The following SNRNP200 variants were observed in gnomAD, a reference collection of about 807,000 sequenced individuals.
SNRNP200 encodes U5 small nuclear ribonucleoprotein 200 kDa helicase.
Under a neutral mutation model 255.2 loss-of-function variants are expected in SNRNP200, and 66 were observed. The ratio of observed to expected loss-of-function variants is 0.26; its 90% CI spans 0.21 to 0.32. SNRNP200 has a LOEUF of 0.32. Ranked by LOEUF, SNRNP200 falls within the 10% of genes least tolerant of loss-of-function variation. The probability of loss-of-function intolerance (pLI) is 1.00; values close to 1 mark genes in which losing one functional copy is unlikely to be tolerated. For synonymous variants in SNRNP200, 939 were observed against 1,027.8 expected, an observed-to-expected ratio of 0.91 and a Z score of 1.65; for missense variants, 1,585 against 2,749.8, an observed-to-expected ratio of 0.58 and a Z score of 9.47.
intron 35 of SNRNP200, among the ~76,000 whole-genome samples, chr2:96,281,000 G>A (rs1684750788): frequency 6.6e-6 from 1 of 151,674 alleles, no homozygotes; most frequent in South Asian, 2.1e-4. Flanking sequence ...TTACAGGTGA[G>A]TGGCTTGAAT....
chr2:96,280,209 G>C (rs891307156), intron 35 of SNRNP200, among the ~76,000 whole-genome samples: 1 of 152,152 alleles, frequency 6.6e-6, no homozygotes, highest in African/African-American at 2.4e-5. Context: ...AAGTTATTAA[G>C]CGTTGGGCCA....
At chr2:96,304,156 A>ATT (rs2063972445) in intron 2 of SNRNP200, among the ~76,000 whole-genome samples, 1 of 152,126 alleles carries the variant, frequency 6.6e-6, no homozygotes, top group Non-Finnish European at 1.5e-5. Flanking sequence ...AAACTTCATC[A>ATT]TAGGAAAGGG....
chr2:96,294,936 C>T (rs2063907331), intron 14 of SNRNP200, among the ~76,000 whole-genome samples: 1 of 152,088 alleles, frequency 6.6e-6, no homozygotes, highest in Non-Finnish European at 1.5e-5. Flanking sequence ...GCAGGCTAGG[C>T]GCAGTGGCTC....
At chr2:96,282,245 C>G in intron 34 of SNRNP200, 1 of 337,508 alleles carries the variant, frequency 3.0e-6, no homozygotes, top group Non-Finnish European at 5.8e-6. Flanking sequence ...CAGCCACGGG[C>G]TGGCTCAGCC....
At chr2:96,299,105 A>C in intron 6 of SNRNP200, 138 bp from the exon 7 acceptor site, 1 of 1,153,852 alleles carries the variant, frequency 8.7e-7, no homozygotes, top group Non-Finnish European at 1.3e-6. Context: ...AAAACTCTGG[A>C]ATATTGAGTT....
intron 16 of SNRNP200, 106 bp from the exon 17 acceptor site, chr2:96,292,006 G>C (rs117989096): frequency 1.2e-5 from 15 of 1,282,162 alleles, no homozygotes; most frequent in African/African-American, 1.5e-5. Flanking sequence ...CCAAGGTCCT[G>C]GAGAGGGGCA....
intron 11 of SNRNP200, 132 bp downstream of exon 11, chr2:96,297,231 A>C: frequency 6.7e-7 from 1 of 1,495,368 alleles, no homozygotes; most frequent in Non-Finnish European, 9.2e-7. Context: ...CAAAATCAGA[A>C]TGGGAAAATT....
rs144423660 is a variant in SNRNP200 at position 96,301,050 on chromosome 2, T to C, written c.578A>G (p.Asp193Gly). The C allele has an allele frequency of 2.2e-4, 349 of 1,613,880 alleles. No homozygotes were observed. Among genetic ancestry groups the C allele is most frequent in the Non-Finnish European group, 2.8e-4 (333 of 1,179,790 alleles). ...GGDKEIQNMD[D>G]NIDETYGVNV... ...CACACCGTATGTCTCATCAATGTTG[T>C]CATCTGAAACAATGAAGGATTAGAA... Residue 193 changes from aspartate (D) to glycine (G), a missense_variant, in exon 5 of 45, where the codon GAC becomes GGC. This residue lies in a region of SNRNP200 where 383 missense variants were observed against 645.3 expected (regional missense o/e 0.59). Transcript: ENST00000323853.
chr2:96,302,043 C>T (rs1199786204), intron 3 of SNRNP200, among the ~76,000 whole-genome samples: 1 of 152,204 alleles, frequency 6.6e-6, no homozygotes, highest in Non-Finnish European at 1.5e-5. Flanking sequence ...CCCACCTCAA[C>T]AGAGCTCCTC....
intron 16 of SNRNP200, among the ~76,000 whole-genome samples, chr2:96,292,154 T>C (rs891808772): frequency 6.6e-6 from 1 of 152,210 alleles, no homozygotes; most frequent in African/African-American, 2.4e-5. Flanking sequence ...ACAGCAACTT[T>C]AAATAGACTA....
intron 8 of SNRNP200, 65 bp from the exon 9 acceptor site, chr2:96,298,485 G>C (rs2063933185): frequency 2.5e-6 from 4 of 1,611,026 alleles, no homozygotes; most frequent in Admixed American, 1.7e-5. Context: ...CCATCCTCAG[G>C]GTAGAAAGAA....
Position 96,278,442 on chromosome 2 carries a change from A to G in SNRNP200, c.5489-84T>C. 2 of 1,611,354 alleles carry G rather than the reference A, an allele frequency of 1.2e-6. No homozygotes were observed. The highest frequency in any genetic ancestry group is 1.7e-6 in the Non-Finnish European group (2 of 1,179,188). ...CCCGGGCTCCCCTGCTGTCCCCTGCAGTGTCATCCCGCTGACAAACACGGG... is the reference window on the plus strand; with the variant it reads ...CCCGGGCTCCCCTGCTGTCCCCTGCGGTGTCATCCCGCTGACAAACACGGG... On this transcript the variant is annotated intron_variant, in intron 38 of 44. Coordinates refer to ENST00000323853, the MANE Select transcript of SNRNP200 (RefSeq NM_014014.5). This position sits in a 1 kb window ranked among gnomAD's most constrained non-coding sequence, Gnocchi z 6.9.
In SNRNP200 at chr2:96,281,872, C is replaced by T. The variant is rs142585893; in HGVS notation, c.4966G>A (p.Val1656Met). The change falls in exon 35 of 45, where the codon GTG becomes ATG. Residue 1656 changes from valine (V) to methionine (M), a missense_variant. Val to Met is a conservative substitution (Grantham distance 21, BLOSUM62 1). Transcript: ENST00000323853. ...ATGATGATTACCAGGTGGGCAGCCACGTTCATGCCCCAGCAGAGACTCCGA... is the reference window on the plus strand; with the variant it reads ...ATGATGATTACCAGGTGGGCAGCCATGTTCATGCCCCAGCAGAGACTCCGA... ...ASRSLCWGMNVAAHLVIIMDT... is the reference protein window; with the variant it reads ...ASRSLCWGMNMAAHLVIIMDT... The T allele has an allele frequency of 6.7e-5, 108 of 1,614,036 alleles. No homozygotes were observed. The highest frequency in any genetic ancestry group is 2.2e-4 in the South Asian group (20 of 91,090).
chr2:96,277,362 CAGAA>C lies in SNRNP200; in HGVS notation c.5932-125_5932-122del, dbSNP rs1487318384. The C allele has an allele frequency of 8.5e-6, 11 of 1,301,042 alleles. No homozygotes were observed. The highest frequency in any genetic ancestry group is 1.2e-5 in the Non-Finnish European group (11 of 904,534). 80.6% of individuals were successfully genotyped at this position (1,301,042 alleles called of 1,614,324 possible). A position where few individuals can be genotyped will look rare whatever the true frequency, so the allele number is the denominator to read the frequency against. Reference sequence around the variant, plus strand: ...TCAAGTCATCTAGATAAAACAGCTGCAGAAAGAACACAGCCCACAGTTGGCAGGC... The same window carrying C: ...TCAAGTCATCTAGATAAAACAGCTGCAGAACACAGCCCACAGTTGGCAGGC... On this transcript the variant is annotated intron_variant, in intron 41 of 44. Transcript: ENST00000323853. The surrounding 1 kb of genome is among the most constrained non-coding windows in gnomAD (Gnocchi z 4.4).
Position 96,284,964 on chromosome 2 carries a change from G to A in SNRNP200, c.4164+216C>T, listed in dbSNP as rs538608552. ...AGGGTTTCACCATGTTGGCCAGGCT[G>A]GTCTCGAACTCCTGATCTCCGGAGA... On this transcript the variant is annotated intron_variant, in intron 30 of 44. Transcript: ENST00000323853. The A allele has an allele frequency of 2.8e-3, 1,816 of 641,044 alleles. 35 individuals carry two copies. The highest frequency in any genetic ancestry group is 0.028 in the South Asian group (1,746 of 62,588). 39.7% of individuals were successfully genotyped at this position (641,044 alleles called of 1,614,324 possible).
intron 2 of SNRNP200, among the ~76,000 whole-genome samples, chr2:96,303,938 T>C (rs1045093004): frequency 2.6e-5 from 4 of 151,024 alleles, no homozygotes; most frequent in African/African-American, 9.7e-5. Context: ...TATGAGACTA[T>C]TATATAATAG....
Position 96,290,028 on chromosome 2 carries a change from G to C in SNRNP200, c.2743-32C>G. 6.2e-7 allele frequency: 1 copy of C among 1,604,678 alleles called. No individual in the cohort carries two copies. Among genetic ancestry groups the C allele is most frequent in the Non-Finnish European group, 8.5e-7 (1 of 1,171,468 alleles). On this transcript the variant is annotated intron_variant, in intron 20 of 44. Transcript: ENST00000323853. The surrounding 1 kb of genome is among the most constrained non-coding windows in gnomAD (Gnocchi z 4.5). Reference sequence around the variant, plus strand: ...GACACAGCTCATGGTTCTTAGCATGGAGAAACTCTTGATGTCCAAATGACA... The same window carrying C: ...GACACAGCTCATGGTTCTTAGCATGCAGAAACTCTTGATGTCCAAATGACA...
At position 96,305,361 on chromosome 2, in the gene SNRNP200, A is replaced by G. The variant is rs565587135; in HGVS notation, c.45+32T>C. 393 of 1,613,604 alleles carry G rather than the reference A, an allele frequency of 2.4e-4. 5 individuals carry two copies. In the South Asian group the frequency reaches 4.1e-3, roughly 17 times the overall value. ...CCTCCCCCTCCCCATTGGACTCCTG[A>G]GCCTGGAATCCTTCCCCAAGACCAA... On this transcript the variant is annotated intron_variant, in intron 1 of 44. Coordinates refer to ENST00000323853, the MANE Select transcript of SNRNP200 (RefSeq NM_014014.5).
At position 96,288,615 on chromosome 2, in the gene SNRNP200, G is replaced by A. The variant is rs551770570; in HGVS notation, c.3258+48C>T. 5 of 1,507,508 alleles carry A rather than the reference G, an allele frequency of 3.3e-6. No homozygotes were observed. In the South Asian group the frequency reaches 5.6e-5, roughly 17 times the overall value. The allele number at this position is 1,507,508 out of a possible 1,614,324, so 93.4% of individuals were successfully genotyped here. A position where few individuals can be genotyped will look rare whatever the true frequency, so the allele number is the denominator to read the frequency against. On this transcript the variant is annotated intron_variant, in intron 24 of 44. Transcript: ENST00000323853. ...AGGATGCACACAGCACACAGGGATT[G>A]AACTGTTCAGGCCCCTTCTCACAGC...
Sources: allele counts gnomAD v4.1 joint callset (sites outside exome capture counted in the v4.1 genomes callset), GRCh38; gene constraint gnomAD v4.1.1; regional missense constraint gnomAD v4.1.1; non-coding constraint Gnocchi (gnomAD v3.1); transcripts MANE v1.5; gene names NCBI Gene and HGNC (gene_info 2026-07-23, HGNC 2026-07-21).